ARHGEF4: variants seen among roughly 807,000 people sequenced by gnomAD.
ARHGEF4 encodes APC-stimulated guanine nucleotide exchange factor 1.
A neutral mutation model predicts 162.0 loss-of-function variants in ARHGEF4; 119 were observed. The ratio of observed to expected loss-of-function variants is 0.73; its 90% confidence interval spans 0.63 to 0.86. The LOEUF (loss-of-function observed/expected upper bound fraction) is 0.86, where lower values mean the gene tolerates loss of function less well. ARHGEF4 is among the 40% of genes least tolerant of loss of function. The pLI is 0.00. For missense variants in ARHGEF4, 2,488 were observed against 2,456.0 expected (o/e 1.01, Z -0.28); for synonymous variants, 1,014 against 979.9 (o/e 1.03, Z -0.65).
intron 2 of ARHGEF4, among the ~76,000 whole-genome samples, chr2:130,922,494 AAGG>A (rs1375156849): frequency 1.3e-5 from 2 of 152,202 alleles, no homozygotes; most frequent in African/African-American, 4.8e-5. Flanking sequence ...TAAAGAAAAA[AAGG>A]AGGAATCAGG....
At chr2:130,901,621 A>C (rs1430452387) in intron 1 of ARHGEF4, among the ~76,000 whole-genome samples, 1 of 151,926 alleles carries the variant, frequency 6.6e-6, no homozygotes, top group African/African-American at 2.4e-5. Context: ...CCCGGGTTCA[A>C]GTGATTCTCT....
chr2:130,993,581 A>T (rs1025597326), intron 4 of ARHGEF4, among the ~76,000 whole-genome samples: 5 of 151,990 alleles, frequency 3.3e-5, no homozygotes, highest in Non-Finnish European at 5.9e-5. Context: ...TGCTTTATGT[A>T]TTTAGAGGCT....
chr2:130,949,495 A>C (rs968469660), intron 4 of ARHGEF4, among the ~76,000 whole-genome samples: 1 of 151,634 alleles, frequency 6.6e-6, no homozygotes, highest in Non-Finnish European at 1.5e-5. Flanking sequence ...CTGGGACTAC[A>C]GGGGCCCGCC....
chr2:130,914,264 T>C lies in ARHGEF4; in HGVS notation c.318T>C (p.Pro106=). Residue 106 remains proline (P), a synonymous_variant, in exon 2 of 14, where the codon CCT becomes CCC. Transcript: ENST00000409359. ...PVDIEAPWEY[P]DVSATGPPQE... ...ATATAGAAGCACCTTGGGAATACCC[T>C]GATGTCTCAGCAACTGGACCCCCTC... is the stretch of plus-strand genomic sequence containing the variant. The C allele has an allele frequency of 3.3e-6, 5 of 1,530,178 alleles. No individual in the cohort carries two copies. The highest frequency in any genetic ancestry group is 4.4e-6 in the Non-Finnish European group (5 of 1,142,840). 94.8% of individuals were successfully genotyped at this position (1,530,178 alleles called of 1,614,324 possible). A position where few individuals can be genotyped will look rare whatever the true frequency, so the allele number is the denominator to read the frequency against.
chr2:130,842,107 T>G (rs1680653153), intron 1 of ARHGEF4, among the ~76,000 whole-genome samples: 2 of 152,196 alleles, frequency 1.3e-5, no homozygotes, highest in African/African-American at 4.8e-5. Flanking sequence ...TATGCTGGGA[T>G]CTGACTCTGC....
At chr2:130,868,139 A>T (rs1037976049) in intron 1 of ARHGEF4, among the ~76,000 whole-genome samples, 1 of 151,300 alleles carries the variant, frequency 6.6e-6, no homozygotes, top group Non-Finnish European at 1.5e-5. Flanking sequence ...GTTAGCCAGG[A>T]TCGTCTCGAT....
intron 4 of ARHGEF4, among the ~76,000 whole-genome samples, chr2:130,994,579 T>G (rs1687258331): frequency 6.6e-6 from 1 of 152,220 alleles, no homozygotes; most frequent in African/African-American, 2.4e-5. Flanking sequence ...AGACGTTGTT[T>G]TGTAAAGTTC....
At chr2:130,940,998 T>C (rs1374051195) in intron 3 of ARHGEF4, among the ~76,000 whole-genome samples, 1 of 152,076 alleles carries the variant, frequency 6.6e-6, no homozygotes, top group Non-Finnish European at 1.5e-5. Context: ...TACTTTATTC[T>C]ATAAGCAGGA....
chr2:130,926,450 T>C (rs997784323), intron 2 of ARHGEF4, among the ~76,000 whole-genome samples: 2 of 152,222 alleles, frequency 1.3e-5, no homozygotes, highest in African/African-American at 4.8e-5. Flanking sequence ...GTTCTTGTTA[T>C]GATTAATGAG....
chr2:130,844,027 A>T (rs921050536), intron 1 of ARHGEF4, among the ~76,000 whole-genome samples: 1 of 152,110 alleles, frequency 6.6e-6, no homozygotes, highest in East Asian at 1.9e-4. Context: ...GCCCTTCCTG[A>T]GACTCCAGCC....
intron 4 of ARHGEF4, among the ~76,000 whole-genome samples, chr2:130,972,998 A>G (rs1685462360): frequency 6.6e-6 from 1 of 152,262 alleles, no homozygotes; most frequent in Admixed American, 6.5e-5. Context: ...TCATGAAAAT[A>G]CTAAGCATAC....
At chr2:130,975,027 G>A (rs1047543141) in intron 4 of ARHGEF4, among the ~76,000 whole-genome samples, 3 of 152,088 alleles carry the variant, frequency 2.0e-5, no homozygotes, top group African/African-American at 7.2e-5. Context: ...AGTCTCAGGT[G>A]TAAAGCTCTT....
chr2:130,969,220 A>T (rs938905104), intron 4 of ARHGEF4, among the ~76,000 whole-genome samples: 54 of 152,232 alleles, frequency 3.5e-4, no homozygotes, highest in African/African-American at 1.3e-3. Flanking sequence ...TTGTACTAAA[A>T]GTGGAAAAAC....
chr2:130,937,737 G>A lies in ARHGEF4; in HGVS notation c.3858+6480G>A, dbSNP rs762456464. Among the ~76,000 whole-genome samples, 54 of 149,830 alleles carry A rather than the reference G, an allele frequency of 3.6e-4. 1 individual carries two copies. Among genetic ancestry groups the A allele is most frequent in the Middle Eastern group, 3.5e-3 (1 of 286 alleles). On this transcript the variant is annotated intron_variant, in intron 3 of 13. Coordinates refer to ENST00000409359, the MANE Select transcript of ARHGEF4 (RefSeq NM_001367493.1). ...GACGGGAGTGCAGTGGTGCGATCTC[G>A]GCTCACTGCAAGCTCTGCCTCCCGG...
Position 130,914,179 on chromosome 2 carries a change from AGTCCTT to A in ARHGEF4, c.237_242del (p.Leu80_Ser81del), listed in dbSNP as rs1681357750. ...CCCTTTGAAAGTGCCTCTGACACAG[AGTCCTT>A]GTCTGGGTACCTCCCGAGGGGAGTC... On this transcript the variant is annotated inframe_deletion, in exon 2 of 14. Transcript: ENST00000409359. 5 of 1,536,130 alleles carry A rather than the reference AGTCCTT, an allele frequency of 3.3e-6. No individual in the cohort carries two copies. The highest frequency in any genetic ancestry group is 4.4e-6 in the Non-Finnish European group (5 of 1,146,914).
At chr2:131,041,519 C>T in intron 9 of ARHGEF4, 57 bp downstream of exon 9, 1 of 1,527,118 alleles carries the variant, frequency 6.5e-7, no homozygotes, top group Non-Finnish European at 8.9e-7. Flanking sequence ...TCCAGTCAGC[C>T]AGTTTGAGCA....
intron 4 of ARHGEF4, among the ~76,000 whole-genome samples, chr2:130,962,798 G>A (rs1475152994): frequency 1.4e-5 from 2 of 142,490 alleles, no homozygotes; most frequent in Non-Finnish European, 3.1e-5. Context: ...ATAATGCTGT[G>A]TACATGGGGT....
chr2:130,999,369 G>A (rs1687618587), intron 4 of ARHGEF4, among the ~76,000 whole-genome samples: 1 of 152,066 alleles, frequency 6.6e-6, no homozygotes, highest in East Asian at 1.9e-4. Context: ...TGTTAGCCAG[G>A]ATGGTCTCGA....
intron 1 of ARHGEF4, among the ~76,000 whole-genome samples, chr2:130,895,915 G>C (rs1307436692): frequency 6.6e-6 from 1 of 152,022 alleles, no homozygotes; most frequent in African/African-American, 2.4e-5. Context: ...ATATCATGGA[G>C]ATTTTCTTAT....
Sources: gnomAD v4.1 joint callset for allele counts (sites outside exome capture counted in the v4.1 genomes callset) on GRCh38, gnomAD v4.1.1 for gene constraint, MANE v1.5 for transcripts, NCBI Gene and HGNC (gene_info 2026-07-23, HGNC 2026-07-21) for gene names.